The following PDE4D variants were observed in gnomAD, a reference collection of about 807,000 sequenced individuals.
PDE4D encodes the protein 3',5'-cyclic-AMP phosphodiesterase 4D.
In PDE4D, 24 loss-of-function variants were observed where a neutral mutation model predicts 87.4. The ratio of observed to expected loss-of-function variants is 0.27; its 90% CI spans 0.20 to 0.39. PDE4D has a LOEUF of 0.39. Ranked by LOEUF, PDE4D falls within the 10% of genes least tolerant of loss-of-function variation. The pLI is 1.00. For missense variants in PDE4D, 714 were observed against 1,041.0 expected, an observed-to-expected ratio of 0.69 and a Z score of 4.32; for synonymous variants, 384 against 383.2, an observed-to-expected ratio of 1.00 and a Z score of -0.02.
At chr5:59,491,767 T>C (rs1040579520) in intron 1 of PDE4D, among the ~76,000 whole-genome samples, 10 of 152,208 alleles carry the variant, frequency 6.6e-5, no homozygotes, top group African/African-American at 1.2e-4. Context: ...TAGTTAAATA[T>C]AATGTATAAG....
At chr5:60,193,642 A>G (rs1785384019) in intron 1 of PDE4D, among the ~76,000 whole-genome samples, 1 of 131,766 alleles carries the variant, frequency 7.6e-6, no homozygotes, top group African/African-American at 2.8e-5. Context: ...ACTGCACTCC[A>G]GCCTGGGCGA....
intron 3 of PDE4D, among the ~76,000 whole-genome samples, chr5:59,966,662 C>A (rs1760091234): frequency 6.6e-6 from 1 of 152,250 alleles, no homozygotes; most frequent in African/African-American, 2.4e-5. Context: ...CAAATGTCAT[C>A]TGAGTTTGGT....
At chr5:60,340,279 ATT>A (rs35196365) in intron 1 of PDE4D, among the ~76,000 whole-genome samples, 3 of 147,134 alleles carry the variant, frequency 2.0e-5, no homozygotes, top group Admixed American at 6.8e-5. Context: ...ACAGCATCCT[ATT>A]TTTTTTTTTT....
intron 1 of PDE4D, among the ~76,000 whole-genome samples, chr5:59,760,947 T>C (rs891817198): frequency 2.0e-5 from 3 of 152,292 alleles, no homozygotes; most frequent in Non-Finnish European, 2.9e-5. Flanking sequence ...TAGAGGCAAA[T>C]TGACACAGAG....
intron 1 of PDE4D, among the ~76,000 whole-genome samples, chr5:59,367,540 C>G (rs1184013712): frequency 6.6e-6 from 1 of 152,074 alleles, no homozygotes; most frequent in South Asian, 2.1e-4. Context: ...AGACTTCAAA[C>G]AAAGGTCAAG....
intron 1 of PDE4D, among the ~76,000 whole-genome samples, chr5:59,385,030 AT>A (rs1354921959): frequency 2.0e-5 from 3 of 152,168 alleles, no homozygotes; most frequent in African/African-American, 7.2e-5. Context: ...TCTTTTCCAA[AT>A]GGTACTCATA....
At chr5:59,324,710 C>T (rs1775333962) in intron 1 of PDE4D, among the ~76,000 whole-genome samples, 1 of 152,086 alleles carries the variant, frequency 6.6e-6, no homozygotes, top group African/African-American at 2.4e-5. Flanking sequence ...AAGACTCAGG[C>T]CGCCTTTGAT....
intron 2 of PDE4D, among the ~76,000 whole-genome samples, chr5:60,069,411 G>T (rs956338328): frequency 2.0e-5 from 3 of 152,094 alleles, no homozygotes; most frequent in Non-Finnish European, 2.9e-5. Flanking sequence ...CAAACTTCTG[G>T]AACTGTGAGA....
chr5:60,368,379 T>G (rs567360724), intron 1 of PDE4D, among the ~76,000 whole-genome samples: 1 of 152,238 alleles, frequency 6.6e-6, no homozygotes, highest in African/African-American at 2.4e-5. Context: ...TAAGTTTCAC[T>G]GGGAATATCG....
At chr5:59,993,723 A>G (rs1763244714) in intron 2 of PDE4D, among the ~76,000 whole-genome samples, 1 of 152,040 alleles carries the variant, frequency 6.6e-6, no homozygotes, top group Admixed American at 6.6e-5. Context: ...TTCAATTTTA[A>G]AAGTATAATA....
At chr5:59,673,546 C>T (rs1747569374) in intron 1 of PDE4D, among the ~76,000 whole-genome samples, 1 of 152,272 alleles carries the variant, frequency 6.6e-6, no homozygotes, top group East Asian at 1.9e-4. Flanking sequence ...ATGGGAAATA[C>T]AATTGTCTCA....
At chr5:59,719,386 A>G (rs1196164963) in intron 1 of PDE4D, among the ~76,000 whole-genome samples, 2 of 152,166 alleles carry the variant, frequency 1.3e-5, no homozygotes, top group African/African-American at 2.4e-5. Context: ...ACATAACCTC[A>G]AGAGCATGGA....
chr5:60,152,724 T>C (rs1024812242), intron 2 of PDE4D, among the ~76,000 whole-genome samples: 1 of 151,254 alleles, frequency 6.6e-6, no homozygotes, highest in African/African-American at 2.4e-5. Context: ...TGTTGGGAGG[T>C]TTTTTATTAC....
chr5:59,715,968 C>T (rs1754959597), intron 1 of PDE4D, among the ~76,000 whole-genome samples: 1 of 152,144 alleles, frequency 6.6e-6, no homozygotes, highest in South Asian at 2.1e-4. Context: ...AATTTAAGGC[C>T]TATGTGTCAG....
chr5:59,416,212 C>T (rs1026505990), intron 1 of PDE4D, among the ~76,000 whole-genome samples: 1 of 152,166 alleles, frequency 6.6e-6, no homozygotes, highest in Non-Finnish European at 1.5e-5. Flanking sequence ...AGAATTATTT[C>T]ATTCACATCT....
At chr5:60,146,653 C>A (rs558292764) in intron 2 of PDE4D, among the ~76,000 whole-genome samples, 29 of 152,302 alleles carry the variant, frequency 1.9e-4, no homozygotes, top group Non-Finnish European at 4.1e-4. Context: ...AAGCTTACAT[C>A]TGCACCACAA....
chr5:59,159,140 G>A (rs193022126), intron 5 of PDE4D, among the ~76,000 whole-genome samples: 8 of 152,212 alleles, frequency 5.3e-5, no homozygotes, highest in Admixed American at 4.6e-4. Flanking sequence ...ACGATACTCT[G>A]TGGTACAGTC....
chr5:60,014,689 A>C (rs1283178060), intron 2 of PDE4D, among the ~76,000 whole-genome samples: 1 of 152,210 alleles, frequency 6.6e-6, no homozygotes, highest in Non-Finnish European at 1.5e-5. Flanking sequence ...ATGGAATATA[A>C]CTGGATACAT....
At chr5:59,114,922 T>C (rs576669363) in intron 5 of PDE4D, among the ~76,000 whole-genome samples, 1 of 152,182 alleles carries the variant, frequency 6.6e-6, no homozygotes, top group East Asian at 1.9e-4. Context: ...GTAAACTTTC[T>C]AGAAGTTTGG....
Sources: gnomAD v4.1 joint callset for allele counts (sites outside exome capture counted in the v4.1 genomes callset) on GRCh38, gnomAD v4.1.1 for gene constraint, MANE v1.5 for transcripts, NCBI Gene and HGNC (gene_info 2026-07-23, HGNC 2026-07-21) for gene names.